The following DNAJC12 variants were observed in gnomAD, a reference collection of about 807,000 sequenced individuals.
The protein encoded by DNAJC12 is DnaJ heat shock protein family (Hsp40) member C12, also known as dnaJ homolog subfamily C member 12.
In DNAJC12, 25 loss-of-function variants were observed where a neutral mutation model predicts 28.5. That is an observed-to-expected ratio of 0.88 (90% CI 0.64 to 1.22). DNAJC12 has a LOEUF of 1.22. Among genes scored for constraint, DNAJC12 ranks in the 50% most tolerant of loss-of-function variants. The pLI is 0.00. For synonymous variants in DNAJC12, 77 were observed against 80.6 expected, an observed-to-expected ratio of 0.95 and a Z score of 0.24; for missense variants, 222 against 231.7, an observed-to-expected ratio of 0.96 and a Z score of 0.27.
At position 67,811,607 on chromosome 10, in the gene DNAJC12, G is replaced by C; in HGVS notation, c.214C>G (p.Arg72Gly). Residue 72 changes from arginine (R) to glycine (G), a missense_variant, in exon 3 of 5, where the codon CGA becomes GGA. Arg to Gly is a moderately radical substitution (Grantham distance 125). Transcript: ENST00000225171. ...AKEILTNEESRARYDHWRRSQ... is the reference protein window; with the variant it reads ...AKEILTNEESGARYDHWRRSQ... ...CTTCGCCAGTGGTCATAGCGGGCTC[G>C]ACTCTCTTCATTGGTCAGAATCTCC... 1 of 1,614,146 alleles carries C rather than the reference G, an allele frequency of 6.2e-7. No individual in the cohort carries two copies. Among genetic ancestry groups the C allele is most frequent in the Non-Finnish European group, 8.5e-7 (1 of 1,180,018 alleles).
intron 1 of DNAJC12, among the ~76,000 whole-genome samples, chr10:67,829,464 C>T (rs1842070905): frequency 6.6e-6 from 1 of 152,186 alleles, no homozygotes; most frequent in African/African-American, 2.4e-5. Flanking sequence ...AACAGTGAAA[C>T]CCTGTCTCTA....
chr10:67,806,384 C>T (rs1277656660), intron 3 of DNAJC12, among the ~76,000 whole-genome samples: 1 of 152,180 alleles, frequency 6.6e-6, no homozygotes, highest in Non-Finnish European at 1.5e-5. Context: ...TTCAACCTAT[C>T]TCTTCCCAAC....
At chr10:67,814,310 TA>T (rs1468433085) in intron 2 of DNAJC12, among the ~76,000 whole-genome samples, 12 of 151,974 alleles carry the variant, frequency 7.9e-5, no homozygotes, top group African/African-American at 2.7e-4. Context: ...TATCAATATA[TA>T]AAAAGCATGA....
At chr10:67,799,386 A>G (rs1841714801) in intron 4 of DNAJC12, among the ~76,000 whole-genome samples, 1 of 152,216 alleles carries the variant, frequency 6.6e-6, no homozygotes, top group Admixed American at 6.5e-5. Context: ...TCTGATTGCT[A>G]TAATTGTTCC....
At chr10:67,798,070 T>C (rs1357004992) in intron 4 of DNAJC12, among the ~76,000 whole-genome samples, 3 of 151,298 alleles carry the variant, frequency 2.0e-5, no homozygotes, top group Admixed American at 6.6e-5. Flanking sequence ...TATAAACCTT[T>C]GACCCAATAA....
chr10:67,819,753 AGGAAGGAAGGAAGGAAGGAAGGAAGG>A (rs1564863482), intron 2 of DNAJC12, among the ~76,000 whole-genome samples: 325 of 20,364 alleles, frequency 0.016, 27 homozygotes, highest in African/African-American at 0.053. Flanking sequence ...GAAGGAAGGA[AGGAAGGAAGGAAGGAAGGAAGGAAGG>A]GGAAGGAAGG....
At chr10:67,804,375 G>A (rs1841778247) in intron 4 of DNAJC12, among the ~76,000 whole-genome samples, 1 of 152,154 alleles carries the variant, frequency 6.6e-6, no homozygotes, top group South Asian at 2.1e-4. Flanking sequence ...AAGAGATGGA[G>A]TCTCACTATG....
At chr10:67,808,624 C>CAA (rs1841827708) in intron 3 of DNAJC12, 1 of 152,036 alleles carries the variant, frequency 6.6e-6, no homozygotes, top group Admixed American at 6.6e-5. Flanking sequence ...CACACACACA[C>CAA]AAACACACAG....
At chr10:67,818,967 A>C (rs1348934096) in intron 2 of DNAJC12, among the ~76,000 whole-genome samples, 1 of 152,122 alleles carries the variant, frequency 6.6e-6, no homozygotes, top group African/African-American at 2.4e-5. Context: ...AATTTTTATA[A>C]TTTTATGCTA....
rs370957802 is a variant in DNAJC12 at position 67,805,564 on chromosome 10, G to A, written c.502+19C>T. The stretch of plus-strand genomic sequence containing the variant: ...AATTTCAGACCTTCTCCATTCTGCA[G>A]TTATATAACGTGACTTACCTGAAGA... On this transcript the variant is annotated intron_variant, in intron 4 of 4. Transcript: ENST00000225171. 56 of 1,588,466 alleles carry A rather than the reference G, an allele frequency of 3.5e-5. No individual in the cohort carries two copies. The highest frequency in any genetic ancestry group is 4.7e-5 in the Non-Finnish European group (55 of 1,171,894).
At chr10:67,826,827 C>CAGATATCTAATGATATATATA (rs1263019449) in intron 1 of DNAJC12, among the ~76,000 whole-genome samples, 4 of 119,174 alleles carry the variant, frequency 3.4e-5, no homozygotes, top group African/African-American at 1.3e-4. Context: ...TAATATATAT[C>CAGATATCTAATGATATATATA]ATATATAAGA....
At chr10:67,802,414 T>C (rs1016598653) in intron 4 of DNAJC12, among the ~76,000 whole-genome samples, 2 of 152,222 alleles carry the variant, frequency 1.3e-5, no homozygotes, top group Non-Finnish European at 2.9e-5. Flanking sequence ...AGGCTAGTTT[T>C]ACCTATTGCC....
chr10:67,815,206 T>C (rs539610973), intron 2 of DNAJC12, among the ~76,000 whole-genome samples: 169 of 151,884 alleles, frequency 1.1e-3, no homozygotes, highest in African/African-American at 3.7e-3. Flanking sequence ...CATGAATGAG[T>C]CTTGAAAATA....
chr10:67,833,024 C>T (rs1014220363), intron 1 of DNAJC12, among the ~76,000 whole-genome samples: 9 of 152,186 alleles, frequency 5.9e-5, no homozygotes, highest in African/African-American at 2.2e-4. Flanking sequence ...CTACAAAATA[C>T]TGACAGTAGT....
At chr10:67,826,758 T>G (rs1245362620) in intron 1 of DNAJC12, among the ~76,000 whole-genome samples, 1 of 103,498 alleles carries the variant, frequency 9.7e-6, no homozygotes, top group Non-Finnish European at 2.0e-5. Context: ...TCATTATATA[T>G]CTGATATCTA....
intron 1 of DNAJC12, among the ~76,000 whole-genome samples, chr10:67,835,747 C>T (rs7080710): frequency 0.042 from 6,130 of 147,634 alleles, 406 homozygotes; most frequent in African/African-American, 0.14. Flanking sequence ...CACACACACA[C>T]ATATATATAA....
At chr10:67,797,901 G>A (rs1251029955) in intron 4 of DNAJC12, among the ~76,000 whole-genome samples, 8 of 151,978 alleles carry the variant, frequency 5.3e-5, no homozygotes, top group Non-Finnish European at 8.8e-5. Flanking sequence ...TTAGCCGGGC[G>A]TGGTGGCGGG....
intron 1 of DNAJC12, among the ~76,000 whole-genome samples, chr10:67,830,963 CGGATCACGA>C (rs914085014): frequency 4.8e-4 from 73 of 152,182 alleles, no homozygotes; most frequent in African/African-American, 1.8e-3. Context: ...CCAAGGTGGG[CGGATCACGA>C]GGTCAGGAAT....
intron 4 of DNAJC12, among the ~76,000 whole-genome samples, chr10:67,803,904 C>T (rs1253500166): frequency 6.6e-6 from 1 of 152,226 alleles, no homozygotes; most frequent in Non-Finnish European, 1.5e-5. Context: ...TCTTGGGTAA[C>T]CAACAGAGAC....
Sources: gnomAD v4.1 joint callset for allele counts (sites outside exome capture counted in the v4.1 genomes callset) on GRCh38, gnomAD v4.1.1 for gene constraint, MANE v1.5 for transcripts, NCBI Gene and HGNC (gene_info 2026-07-23, HGNC 2026-07-21) for gene names.